The following FHIT variants were observed in gnomAD, a reference collection of about 807,000 sequenced individuals.
FHIT encodes bis(5'-adenosyl)-triphosphatase.
In FHIT, 19 loss-of-function variants were observed where a neutral mutation model predicts 17.9. The ratio of observed to expected loss-of-function variants is 1.06; its 90% CI spans 0.74 to 1.56. The LOEUF (loss-of-function observed/expected upper bound fraction) is 1.56, where lower values mean the gene tolerates loss of function less well. Among genes scored for constraint, FHIT ranks in the 40% most tolerant of loss-of-function variants. FHIT has a pLI of 0.00. For synonymous variants in FHIT, 81 were observed against 69.7 expected (o/e 1.16, Z -0.81); for missense variants, 248 against 189.2 (o/e 1.31, Z -1.82).
At chr3:60,676,388 C>A (rs1317043666) in intron 4 of FHIT, among the ~76,000 whole-genome samples, 4 of 152,180 alleles carry the variant, frequency 2.6e-5, no homozygotes, top group African/African-American at 9.7e-5. Flanking sequence ...AGGCTGCAAT[C>A]TGGAAAGGAC....
chr3:60,746,798 G>A (rs1446296329), intron 4 of FHIT, among the ~76,000 whole-genome samples: 1 of 152,204 alleles, frequency 6.6e-6, no homozygotes, highest in Non-Finnish European at 1.5e-5. Context: ...GTTAATAAAC[G>A]TGGCTTGAAT....
chr3:60,618,504 G>C (rs1404021688), intron 4 of FHIT, among the ~76,000 whole-genome samples: 4 of 152,088 alleles, frequency 2.6e-5, no homozygotes, highest in Non-Finnish European at 5.9e-5. Flanking sequence ...TCATTATTCA[G>C]CTCCCTGTTG....
intron 5 of FHIT, among the ~76,000 whole-genome samples, chr3:60,024,618 G>C (rs1229690657): frequency 6.6e-6 from 1 of 152,204 alleles, no homozygotes; most frequent in Non-Finnish European, 1.5e-5. Context: ...GTGAAATCTA[G>C]AGGGTGAGCA....
At chr3:60,615,467 GA>G (rs1378806268) in intron 4 of FHIT, among the ~76,000 whole-genome samples, 1 of 152,124 alleles carries the variant, frequency 6.6e-6, no homozygotes, top group Non-Finnish European at 1.5e-5. Flanking sequence ...TACAGTAAAA[GA>G]ACAGCAGTAA....
intron 5 of FHIT, among the ~76,000 whole-genome samples, chr3:60,261,069 A>G (rs1256861512): frequency 3.3e-5 from 5 of 152,100 alleles, no homozygotes; most frequent in East Asian, 3.9e-4. Context: ...AGAAATAATT[A>G]TAAGTATTTT....
chr3:60,945,606 C>G (rs1036330961), intron 3 of FHIT, among the ~76,000 whole-genome samples: 2 of 152,160 alleles, frequency 1.3e-5, no homozygotes, highest in African/African-American at 4.8e-5. Flanking sequence ...GTTGGCCAAG[C>G]TGGTCTCAAA....
intron 2 of FHIT, among the ~76,000 whole-genome samples, chr3:61,105,009 A>G (rs900794837): frequency 7.2e-5 from 11 of 152,120 alleles, no homozygotes; most frequent in Admixed American, 4.6e-4. Context: ...TTGAGTTTCA[A>G]TGTACTCCTG....
At chr3:59,787,048 C>A (rs1699337811) in intron 8 of FHIT, among the ~76,000 whole-genome samples, 1 of 152,184 alleles carries the variant, frequency 6.6e-6, no homozygotes, top group South Asian at 2.1e-4. Flanking sequence ...GTCTGTATAA[C>A]TAGAAAAGCC....
At chr3:60,526,558 T>C (rs576353903) in intron 5 of FHIT, among the ~76,000 whole-genome samples, 1 of 152,254 alleles carries the variant, frequency 6.6e-6, no homozygotes, top group East Asian at 1.9e-4. Flanking sequence ...TGTTCTCATC[T>C]TTTTTCCCAG....
At chr3:59,962,074 G>C (rs1162153569) in intron 7 of FHIT, among the ~76,000 whole-genome samples, 1 of 152,138 alleles carries the variant, frequency 6.6e-6, no homozygotes, top group Admixed American at 6.5e-5. Context: ...TTAAAGAAAT[G>C]AACACCATAG....
chr3:60,389,163 T>C (rs1701127399), intron 5 of FHIT, among the ~76,000 whole-genome samples: 2 of 152,214 alleles, frequency 1.3e-5, no homozygotes, highest in African/African-American at 4.8e-5. Context: ...CTGCACCACT[T>C]GGGAGTGTCT....
At chr3:60,974,723 AG>A (rs1310595360) in intron 3 of FHIT, among the ~76,000 whole-genome samples, 4 of 152,208 alleles carry the variant, frequency 2.6e-5, no homozygotes, top group Non-Finnish European at 5.9e-5. Context: ...AAGACGCAGT[AG>A]CATTAGGAAC....
chr3:60,442,238 C>A (rs77635360), intron 5 of FHIT, among the ~76,000 whole-genome samples: 11,800 of 152,044 alleles, frequency 0.078, 969 homozygotes, highest in East Asian at 0.4. Flanking sequence ...TGTTTTGCCA[C>A]ATACCTAAGG....
At chr3:60,168,728 G>A (rs553707762) in intron 5 of FHIT, among the ~76,000 whole-genome samples, 1 of 152,296 alleles carries the variant, frequency 6.6e-6, no homozygotes, top group African/African-American at 2.4e-5. Flanking sequence ...CATGTCAGGC[G>A]ATGGTATATC....
chr3:60,204,463 G>T (rs28522697), intron 5 of FHIT, among the ~76,000 whole-genome samples: 40,680 of 140,176 alleles, frequency 0.29, 6,362 homozygotes, highest in African/African-American at 0.44. Context: ...TTTTTGTTTT[G>T]TTTTTTTAGT....
At chr3:60,376,488 TAC>T (rs150998468) in intron 5 of FHIT, among the ~76,000 whole-genome samples, 168 of 152,226 alleles carry the variant, frequency 1.1e-3, no homozygotes, top group Non-Finnish European at 1.9e-3. Context: ...CAAACATACA[TAC>T]ACACACACAT....
At chr3:60,280,408 G>A (rs946228038) in intron 5 of FHIT, among the ~76,000 whole-genome samples, 6 of 152,146 alleles carry the variant, frequency 3.9e-5, no homozygotes, top group African/African-American at 1.4e-4. Context: ...CTTTGTAGCT[G>A]TAACTAAATT....
At chr3:60,663,880 G>T (rs2040320931) in intron 4 of FHIT, among the ~76,000 whole-genome samples, 1 of 152,146 alleles carries the variant, frequency 6.6e-6, no homozygotes, top group Non-Finnish European at 1.5e-5. Flanking sequence ...GAACTCACTT[G>T]TTCTAGGATT....
At chr3:60,823,024 T>A (rs539468140) in intron 3 of FHIT, among the ~76,000 whole-genome samples, 62 of 152,190 alleles carry the variant, frequency 4.1e-4, no homozygotes, top group Non-Finnish European at 5.0e-4. Flanking sequence ...GTCTACATCA[T>A]GTTACATGGT....
Sources: gnomAD v4.1 joint callset for allele counts (sites outside exome capture counted in the v4.1 genomes callset) on GRCh38, gnomAD v4.1.1 for gene constraint, MANE v1.5 for transcripts, NCBI Gene and HGNC (gene_info 2026-07-23, HGNC 2026-07-21) for gene names.